IGSF11: variants seen among roughly 807,000 people sequenced by gnomAD.
IGSF11 encodes CXADR like 1.
A neutral mutation model predicts 41.0 loss-of-function variants in IGSF11; 22 were observed. The observed-to-expected ratio is 0.54, with a 90% CI of 0.38 to 0.77. IGSF11 has a LOEUF of 0.77. Ranked by LOEUF, IGSF11 falls within the 30% of genes least tolerant of loss-of-function variation. The probability of loss-of-function intolerance (pLI) is 0.00; values close to 1 mark genes in which losing one functional copy is unlikely to be tolerated. For missense variants in IGSF11, 444 were observed against 530.8 expected (o/e 0.84, Z 1.61); for synonymous variants, 219 against 201.3 (o/e 1.09, Z -0.74).
At chr3:119,069,183 C>T (rs891366740) in intron 1 of IGSF11, among the ~76,000 whole-genome samples, 1 of 152,084 alleles carries the variant, frequency 6.6e-6, no homozygotes, top group Non-Finnish European at 1.5e-5. Flanking sequence ...CTGCCTCAGC[C>T]TCCCAAAGTG....
chr3:118,911,723 G>GAGAGAGAGAGAGAGAA (rs373696297), intron 4 of IGSF11, among the ~76,000 whole-genome samples: 1 of 149,470 alleles, frequency 6.7e-6, no homozygotes, highest in Non-Finnish European at 1.5e-5. Context: ...AGGAGACACA[G>GAGAGAGAGAGAGAGAA]AGAGAGAGAG....
At chr3:119,024,925 A>G (rs2107720855) in intron 1 of IGSF11, among the ~76,000 whole-genome samples, 1 of 152,306 alleles carries the variant, frequency 6.6e-6, no homozygotes, top group African/African-American at 2.4e-5. Flanking sequence ...TTCCTGACAC[A>G]TACAAGATTT....
rs1304520439 is a variant in IGSF11, at chr3:118,902,757, G to A, written c.1059C>T (p.Asn353=). 3.7e-6 allele frequency: 6 copies of A among 1,614,010 alleles called. No individual in the cohort carries two copies. In the African/African-American group the frequency reaches 6.7e-5, roughly 18 times the overall value. ...QSFSFHSGNA[N]IPSIYANGTH... is the part of the protein sequence containing the mutation. ...TCCCATTAGCATAAATGGATGGTATGTTGGCATTGCCTGAGTGGAAAGAGA... is the reference window on the plus strand; with the variant it reads ...TCCCATTAGCATAAATGGATGGTATATTGGCATTGCCTGAGTGGAAAGAGA... Residue 353 remains asparagine (N), a synonymous_variant, in exon 7 of 7, where the codon AAC becomes AAT. Transcript: ENST00000393775.
In IGSF11 at chr3:118,902,959, T is replaced by C; in HGVS notation, c.857A>G (p.Glu286Gly). The C allele has an allele frequency of 1.2e-6, 2 of 1,612,808 alleles. No individual in the cohort carries two copies. The highest frequency in any genetic ancestry group is 1.1e-5 in the South Asian group (1 of 91,048). ...EEEEIPNEIR[E>G]DDLPPKCSSA... ...AGAACACTTGGGTGGAAGATCATCCTCTCTGAAAGGAACAAAATAAAGTCG... is the reference window on the plus strand; with the variant it reads ...AGAACACTTGGGTGGAAGATCATCCCCTCTGAAAGGAACAAAATAAAGTCG... Residue 286 changes from glutamate (E) to glycine (G), a missense_variant and splice_region_variant, in exon 7 of 7, where the codon GAG (glutamate) becomes GGG (glycine). Physicochemically the swap from Glu to Gly is moderately conservative, Grantham distance 98. Around this residue, in one of 3 missense-constraint regions of IGSF11, gnomAD observed 223 missense variants for 226.2 expected, o/e 0.99. Transcript: ENST00000393775.
intron 1 of IGSF11, among the ~76,000 whole-genome samples, chr3:119,049,864 T>C (rs1224428876): frequency 1.3e-4 from 19 of 148,380 alleles, no homozygotes; most frequent in Admixed American, 1.2e-3. Flanking sequence ...AACTATCTGA[T>C]CTTTGACAAA....
chr3:119,138,383 T>C (rs2077592081), intron 1 of IGSF11, among the ~76,000 whole-genome samples: 1 of 152,152 alleles, frequency 6.6e-6, no homozygotes, highest in Admixed American at 6.6e-5. Context: ...GAGTACCACT[T>C]AGCCATAAAA....
At chr3:118,939,262 C>T (rs1316161089) in intron 1 of IGSF11, among the ~76,000 whole-genome samples, 1 of 151,830 alleles carries the variant, frequency 6.6e-6, no homozygotes, top group Non-Finnish European at 1.5e-5. Context: ...ATCTAGAAAA[C>T]CATCATGTAT....
intron 1 of IGSF11, among the ~76,000 whole-genome samples, chr3:119,059,273 G>A (rs923127085): frequency 1.3e-5 from 2 of 151,978 alleles, no homozygotes; most frequent in African/African-American, 2.4e-5. Context: ...TAACCTGGAT[G>A]GAGTTGGAGA....
At chr3:119,039,774 A>G (rs563311151), upstream of IGSF11, among the ~76,000 whole-genome samples, 7 of 152,302 alleles carry the variant, frequency 4.6e-5, no homozygotes, top group South Asian at 1.5e-3. Context: ...GTTTTTGTAT[A>G]GCTCTCCTTT....
upstream of IGSF11, among the ~76,000 whole-genome samples, chr3:119,106,086 C>A (rs1418713889): frequency 1.3e-5 from 2 of 152,170 alleles, no homozygotes; most frequent in Non-Finnish European, 2.9e-5. Flanking sequence ...TAATTCCCTG[C>A]ATCCTCTTGA....
At chr3:119,117,283 C>A (rs34925520) in intron 1 of IGSF11, among the ~76,000 whole-genome samples, 57 of 151,914 alleles carry the variant, frequency 3.8e-4, no homozygotes, top group African/African-American at 1.4e-3. Flanking sequence ...AGACATACCC[C>A]AAAACTAGGT....
At chr3:119,063,490 G>C (rs1276288125) in intron 1 of IGSF11, among the ~76,000 whole-genome samples, 3 of 151,768 alleles carry the variant, frequency 2.0e-5, no homozygotes, top group African/African-American at 7.3e-5. Flanking sequence ...TTTTGTTTTT[G>C]TGCACAGACA....
chr3:119,144,636 C>G (rs1039888752), intron 1 of IGSF11, among the ~76,000 whole-genome samples: 1 of 152,010 alleles, frequency 6.6e-6, no homozygotes, highest in African/African-American at 2.4e-5. Flanking sequence ...TTGAGAGATG[C>G]AGCAAAAGCA....
At chr3:119,130,051 C>T (rs1357371138) in intron 1 of IGSF11, among the ~76,000 whole-genome samples, 2 of 152,030 alleles carry the variant, frequency 1.3e-5, no homozygotes, top group African/African-American at 2.4e-5. Flanking sequence ...GAGAAAATCA[C>T]CTTCACTAAA....
chr3:118,968,462 TA>T (rs1932969283), intron 1 of IGSF11, among the ~76,000 whole-genome samples: 1 of 152,094 alleles, frequency 6.6e-6, no homozygotes, highest in Non-Finnish European at 1.5e-5. Flanking sequence ...AAAAATAAAG[TA>T]CAGGACAGAG....
At chr3:118,951,369 T>C (rs969247007) in intron 1 of IGSF11, among the ~76,000 whole-genome samples, 13 of 152,194 alleles carry the variant, frequency 8.5e-5, no homozygotes, top group East Asian at 5.8e-4. Flanking sequence ...TTGAAACTTA[T>C]AGACAGGGTA....
chr3:119,120,192 A>G (rs990770205), intron 1 of IGSF11, among the ~76,000 whole-genome samples: 2 of 152,252 alleles, frequency 1.3e-5, no homozygotes, highest in Non-Finnish European at 2.9e-5. Context: ...ACATTTAAGA[A>G]AATCTAACCA....
intron 6 of IGSF11, among the ~76,000 whole-genome samples, chr3:118,904,030 C>A (rs187323441): frequency 3.3e-5 from 5 of 152,274 alleles, no homozygotes; most frequent in Admixed American, 3.3e-4. Flanking sequence ...AGGCAAGAAT[C>A]AGATCCTGTA....
chr3:119,090,790 C>A lies in IGSF11; in HGVS notation c.49+14354G>T, dbSNP rs544387608. On this transcript the variant is annotated intron_variant, in intron 1 of 6. Transcript: ENST00000354673. ...CTCAAACTATAGAAATCCTGGAAGA[C>A]AACCTAGAAAATAGATTCTTGACAT... is the stretch of plus-strand genomic sequence containing the variant. Among the ~76,000 whole-genome samples the A allele has an allele frequency of 2.6e-5, 4 of 152,222 alleles. No homozygotes were observed. In the East Asian group the frequency reaches 7.7e-4, roughly 29 times the overall value.
Sources: allele counts gnomAD v4.1 joint callset (sites outside exome capture counted in the v4.1 genomes callset), GRCh38; gene constraint gnomAD v4.1.1; regional missense constraint gnomAD v4.1.1; transcripts MANE v1.5; gene names NCBI Gene and HGNC (gene_info 2026-07-23, HGNC 2026-07-21).